PHLPP2: variants seen among roughly 807,000 people sequenced by gnomAD.
PHLPP2 encodes the protein PH domain and leucine rich repeat protein phosphatase 2.
In PHLPP2, 66 loss-of-function variants were observed where a neutral mutation model predicts 124.9. That is an observed-to-expected ratio of 0.53 (90% CI 0.43 to 0.65). The LOEUF is 0.65. PHLPP2 is among the 30% of genes least tolerant of loss of function. The probability of loss-of-function intolerance (pLI) is 0.00; values close to 1 mark genes in which losing one functional copy is unlikely to be tolerated. For missense variants in PHLPP2, 1,685 were observed against 1,600.4 expected (o/e 1.05, Z -0.90); for synonymous variants, 681 against 624.7 (o/e 1.09, Z -1.34).
intron 6 of PHLPP2, 99 bp from the exon 7 acceptor site, chr16:71,679,634 C>T: frequency 2.1e-6 from 2 of 972,262 alleles, no homozygotes; most frequent in South Asian, 1.6e-5. Flanking sequence ...TTTTAAATGT[C>T]TATAATAGAA....
At chr16:71,705,607 G>T (rs1373591111) in intron 2 of PHLPP2, among the ~76,000 whole-genome samples, 2 of 152,088 alleles carry the variant, frequency 1.3e-5, no homozygotes, top group Admixed American at 6.5e-5. Context: ...TGCCACCCAG[G>T]TTCAAGCAAT....
chr16:71,654,012 G>A (rs973992887), intron 17 of PHLPP2, among the ~76,000 whole-genome samples: 6 of 151,834 alleles, frequency 4.0e-5, no homozygotes, highest in East Asian at 1.9e-4. Context: ...TGGCTAACAC[G>A]GTGAAAACCC....
intron 4 of PHLPP2, among the ~76,000 whole-genome samples, chr16:71,688,308 G>C (rs2045072993): frequency 6.6e-6 from 1 of 152,168 alleles, no homozygotes; most frequent in African/African-American, 2.4e-5. Context: ...TTAGCAAACA[G>C]AAGACACAAA....
At chr16:71,671,221 A>C (rs1259269793) in intron 10 of PHLPP2, among the ~76,000 whole-genome samples, 1 of 152,234 alleles carries the variant, frequency 6.6e-6, no homozygotes, top group African/African-American at 2.4e-5. Context: ...CATTAGCTTA[A>C]AATGATAATG....
In PHLPP2 at chr16:71,714,554, C is replaced by T; in HGVS notation, c.242G>A (p.Gly81Glu). ...TPASEICAGEGRESLYLQLHG... is the reference protein window; with the variant it reads ...TPASEICAGEERESLYLQLHG... ...AAGCTGTAAATAAAGACTTTCTCTT[C>T]CCTCTCCAGCACATATTTCTGATGC... is the stretch of plus-strand genomic sequence containing the variant. The change falls in exon 2 of 19, where the codon GGA (glycine) becomes GAA (glutamate). Residue 81 changes from glycine (G) to glutamate (E), a missense_variant. Gly to Glu is a moderately conservative substitution (Grantham distance 98). Transcript: ENST00000568954. The T allele has an allele frequency of 6.2e-7, 1 of 1,613,724 alleles. No individual in the cohort carries two copies. Among genetic ancestry groups the T allele is most frequent in the African/African-American group, 1.3e-5 (1 of 75,032 alleles).
chr16:71,714,552 T>C lies in PHLPP2; in HGVS notation c.244A>G (p.Arg82Gly). 8 of 1,613,742 alleles carry C rather than the reference T, an allele frequency of 5.0e-6. No individual in the cohort carries two copies. The highest frequency in any genetic ancestry group is 6.8e-6 in the Non-Finnish European group (8 of 1,179,730). The change falls in exon 2 of 19, where the codon AGA becomes GGA. Residue 82 changes from arginine to glycine, a missense_variant. Transcript: ENST00000568954. ...PASEICAGEG[R>G]ESLYLQLHGD... ...TGAAGCTGTAAATAAAGACTTTCTC[T>C]TCCCTCTCCAGCACATATTTCTGAT...
In PHLPP2 at chr16:71,644,936, G is replaced by A; in HGVS notation, c.*3954C>T. ...AACAAGCACTCCATTTTAAAACAAA[G>A]CCATGAAAAAGATTCCACTTTATTT... is the stretch of plus-strand genomic sequence containing the variant. On this transcript the variant is annotated 3_prime_UTR_variant, in exon 19 of 19. Transcript: ENST00000568954. 1 of 327,864 alleles carries A rather than the reference G, an allele frequency of 3.1e-6. No homozygotes were observed. The highest frequency in any genetic ancestry group is 6.1e-6 in the Non-Finnish European group (1 of 164,936). The allele number at this position is 327,864 out of a possible 1,614,324, so 20.3% of individuals were successfully genotyped here.
chr16:71,723,911 G>C, intron 1 of PHLPP2: 6 of 812,530 alleles, frequency 7.4e-6, no homozygotes, highest in Non-Finnish European at 7.8e-6. Context: ...GCGCGACGGC[G>C]TGCGGAGCCT....
chr16:71,716,535 G>A (rs1230004212), intron 1 of PHLPP2, among the ~76,000 whole-genome samples: 3 of 152,108 alleles, frequency 2.0e-5, no homozygotes, highest in Non-Finnish European at 4.4e-5. Flanking sequence ...TTTTTATGAT[G>A]GGCTATTTCT....
chr16:71,665,292 C>T (rs896148644), intron 12 of PHLPP2, among the ~76,000 whole-genome samples: 1 of 152,102 alleles, frequency 6.6e-6, no homozygotes, highest in African/African-American at 2.4e-5. Context: ...CCTGGCGACA[C>T]AGCTAGACTG....
rs186741120 is a variant in PHLPP2 at position 71,667,077 on chromosome 16, C to T, written c.1784+101G>A. 1,625 of 975,020 alleles carry T rather than the reference C, an allele frequency of 1.7e-3. 2 individuals are homozygous for T. The highest frequency in any genetic ancestry group is 5.0e-3 in the South Asian group (267 of 53,406). 60.4% of individuals were successfully genotyped at this position (975,020 alleles called of 1,614,324 possible). A position where few individuals can be genotyped will look rare whatever the true frequency, so the allele number is the denominator to read the frequency against. On this transcript the variant is annotated intron_variant, in intron 12 of 18. Transcript: ENST00000568954. ...ACTCATAGTTGGACTATTAGGTAAA[C>T]GCTCTGTAAATACAGTTCCAAAGGT...
chr16:71,686,214 C>A (rs2045053804), intron 4 of PHLPP2, among the ~76,000 whole-genome samples: 1 of 152,148 alleles, frequency 6.6e-6, no homozygotes, highest in Non-Finnish European at 1.5e-5. Flanking sequence ...CACTCTTCAC[C>A]CAGGCTGGAG....
intron 5 of PHLPP2, among the ~76,000 whole-genome samples, chr16:71,682,193 TC>T (rs751873655): frequency 2.6e-5 from 4 of 151,336 alleles, no homozygotes; most frequent in Admixed American, 6.6e-5. Flanking sequence ...CAAGAAGTAA[TC>T]TTTTTTGTTT....
chr16:71,708,825 C>T (rs1597016728), intron 2 of PHLPP2, among the ~76,000 whole-genome samples: 1 of 151,670 alleles, frequency 6.6e-6, no homozygotes, highest in East Asian at 1.9e-4. Context: ...GATGCAGCAG[C>T]GTGCCCCTGT....
chr16:71,684,801 T>C, intron 4 of PHLPP2, 200 bp from the exon 5 acceptor site: 1 of 516,704 alleles, frequency 1.9e-6, no homozygotes. Flanking sequence ...TCCCAACACA[T>C]TAGCTGTGCT....
rs1047204821 is a variant in PHLPP2, at chr16:71,645,702, C to T, written c.*3188G>A. ...CTGTAATAGCACCCAGCAATGACCA[C>T]GCTGCTCCTGCTGGCTCTTCCGTAC... On this transcript the variant is annotated 3_prime_UTR_variant, in exon 19 of 19. Coordinates refer to ENST00000568954, the MANE Select transcript of PHLPP2 (RefSeq NM_015020.3). 3 of 153,496 alleles carry T rather than the reference C, an allele frequency of 2.0e-5. No individual in the cohort carries two copies. The highest frequency in any genetic ancestry group is 4.4e-5 in the Non-Finnish European group (3 of 68,068). 9.5% of individuals were successfully genotyped at this position (153,496 alleles called of 1,614,324 possible). A position where few individuals can be genotyped will look rare whatever the true frequency, so the allele number is the denominator to read the frequency against.
At chr16:71,689,635 T>C (rs2045089028) in intron 4 of PHLPP2, among the ~76,000 whole-genome samples, 1 of 151,924 alleles carries the variant, frequency 6.6e-6, no homozygotes, top group Admixed American at 6.6e-5. Context: ...TGACCTCAAG[T>C]GATCCGCCCA....
At chr16:71,653,272 C>T (rs2044711251) in intron 17 of PHLPP2, among the ~76,000 whole-genome samples, 1 of 151,950 alleles carries the variant, frequency 6.6e-6, no homozygotes, top group South Asian at 2.1e-4. Flanking sequence ...TTCTCCATAG[C>T]TTTTGTGTCT....
chr16:71,687,615 A>G (rs1051289801), intron 4 of PHLPP2, among the ~76,000 whole-genome samples: 1 of 152,032 alleles, frequency 6.6e-6, no homozygotes, highest in African/African-American at 2.4e-5. Context: ...TTAGCGTTAC[A>G]AAGTCTTCTA....
Sources: allele counts gnomAD v4.1 joint callset (sites outside exome capture counted in the v4.1 genomes callset), GRCh38; gene constraint gnomAD v4.1.1; transcripts MANE v1.5; gene names NCBI Gene and HGNC (gene_info 2026-07-23, HGNC 2026-07-21).